The following POLR2F variants were observed in gnomAD, a reference collection of about 807,000 sequenced individuals.
The protein encoded by POLR2F is RNA polymerase II, I and III subunit F.
In POLR2F, 12 loss-of-function variants were observed where a neutral mutation model predicts 22.7. The observed-to-expected ratio is 0.53, with a 90% CI of 0.34 to 0.86. The LOEUF (loss-of-function observed/expected upper bound fraction) is 0.86, where lower values mean the gene tolerates loss of function less well. POLR2F is among the 40% of genes least tolerant of loss of function. POLR2F has a pLI of 0.02. For missense variants in POLR2F, 126 were observed against 171.5 expected, an observed-to-expected ratio of 0.73 and a Z score of 1.48; for synonymous variants, 57 against 66.0, an observed-to-expected ratio of 0.86 and a Z score of 0.66.
At chr22:37,958,795 T>C (rs569921384) in intron 2 of POLR2F, among the ~76,000 whole-genome samples, 1 of 152,318 alleles carries the variant, frequency 6.6e-6, no homozygotes, top group Non-Finnish European at 1.5e-5. Flanking sequence ...CTTTAGACCA[T>C]TAATTGAGAG....
In POLR2F at chr22:37,978,837, T is replaced by C. The variant is rs1315692882; in HGVS notation, c.293+11667T>C. ...TGTCACCCATGCTAGAGCTCAGTGGTATGATCTCAGCTCACTGCAACCTCT... is the reference window on the plus strand; with the variant it reads ...TGTCACCCATGCTAGAGCTCAGTGGCATGATCTCAGCTCACTGCAACCTCT... On this transcript the variant is annotated intron_variant, in intron 4 of 4. Transcript: ENST00000405557. The surrounding 1 kb of genome is among the most constrained non-coding windows in gnomAD (Gnocchi z 5.0). 6.6e-6 allele frequency among the ~76,000 whole-genome samples: 1 copy of C among 152,092 alleles called. No individual in the cohort carries two copies. The highest frequency in any genetic ancestry group is 1.5e-5 in the Non-Finnish European group (1 of 68,008).
At chr22:37,961,408 T>C (rs967517189) in intron 3 of POLR2F, among the ~76,000 whole-genome samples, 2 of 151,732 alleles carry the variant, frequency 1.3e-5, no homozygotes, top group African/African-American at 4.8e-5. Flanking sequence ...TCCAGCAGAG[T>C]GGGGGGCCCT....
chr22:37,966,593 C>A (rs759129359), intron 3 of POLR2F, among the ~76,000 whole-genome samples: 2 of 151,862 alleles, frequency 1.3e-5, no homozygotes, highest in Non-Finnish European at 2.9e-5. Context: ...GGCAACATGG[C>A]GAAATGTTAA....
downstream of POLR2F, among the ~76,000 whole-genome samples, chr22:38,030,206 G>A (rs550742204): frequency 2.0e-5 from 3 of 152,196 alleles, no homozygotes; most frequent in East Asian, 1.9e-4. Flanking sequence ...GAGCAAGAAC[G>A]ACTCCCCGAA....
At chr22:38,036,793 CCCA>C (rs1569186645) in intron 5 of POLR2F, among the ~76,000 whole-genome samples, 1 of 151,944 alleles carries the variant, frequency 6.6e-6, no homozygotes, top group Non-Finnish European at 1.5e-5. Context: ...GCCCTCCAAC[CCCA>C]CGTGTCTGAC....
intron 1 of POLR2F, among the ~76,000 whole-genome samples, chr22:38,001,122 C>T (rs1255457436): frequency 6.6e-6 from 1 of 152,172 alleles, no homozygotes; most frequent in Non-Finnish European, 1.5e-5. Flanking sequence ...GTCAACACTC[C>T]TGAGAGCCCT....
intron 1 of POLR2F, among the ~76,000 whole-genome samples, chr22:38,024,960 T>C (rs544132534): frequency 8.5e-5 from 13 of 152,102 alleles, no homozygotes; most frequent in African/African-American, 3.1e-4. Flanking sequence ...GGCTCAACCA[T>C]TGGTGCCACC....
chr22:37,993,396 C>G (rs890308762), intron 1 of POLR2F, among the ~76,000 whole-genome samples: 1 of 152,234 alleles, frequency 6.6e-6, no homozygotes, highest in Non-Finnish European at 1.5e-5. Context: ...CATCTTACTG[C>G]TCTCACCCGG....
intron 1 of POLR2F, among the ~76,000 whole-genome samples, chr22:38,001,838 GT>G (rs1489067801): frequency 6.7e-6 from 1 of 148,386 alleles, no homozygotes; most frequent in Non-Finnish European, 1.5e-5. Context: ...TGGCCAAGTG[GT>G]TTTTTTTGGA....
Position 37,974,347 on chromosome 22 carries a change from GTTTTTTTTTGTTT to G in POLR2F, c.293+7188_293+7200del, listed in dbSNP as rs947987149. ...TTCACATTTTGGCAGCATGAGTCGGGTTTTTTTTTGTTTTTTTTTTTTGAGATGGAGTTTCGCT... is the reference window on the plus strand; with the variant it reads ...TTCACATTTTGGCAGCATGAGTCGGGTTTTTTTTTGAGATGGAGTTTCGCT... On this transcript the variant is annotated intron_variant, in intron 4 of 4. Coordinates refer to the POLR2F transcript ENST00000405557. This position sits in a 1 kb window ranked among gnomAD's most constrained non-coding sequence, Gnocchi z 5.4. 10 of 584,286 alleles carry G rather than the reference GTTTTTTTTTGTTT, an allele frequency of 1.7e-5. No homozygotes were observed. In the Admixed American group the frequency reaches 2.1e-4, roughly 13 times the overall value. The allele number at this position is 584,286 out of a possible 1,614,324, so 36.2% of individuals were successfully genotyped here.
At chr22:37,959,594 G>A (rs1025427838) in intron 3 of POLR2F, 118 bp downstream of exon 3, 4 of 1,196,922 alleles carry the variant, frequency 3.3e-6, no homozygotes, top group Non-Finnish European at 2.4e-6. Flanking sequence ...CATTCCAAAA[G>A]TGGTGCCGTC....
At chr22:37,961,842 G>A (rs1931654868) in intron 3 of POLR2F, among the ~76,000 whole-genome samples, 1 of 121,518 alleles carries the variant, frequency 8.2e-6, no homozygotes, top group Non-Finnish European at 1.8e-5. Flanking sequence ...GAGAACAGGA[G>A]CCCCTACCCC....
chr22:37,959,803 GTTT>G (rs758630099), intron 3 of POLR2F, among the ~76,000 whole-genome samples: 1 of 137,000 alleles, frequency 7.3e-6, no homozygotes. Flanking sequence ...TACCAGTGTA[GTTT>G]TTTTTTTTTT....
chr22:37,959,637 C>T (rs1246422040), intron 3 of POLR2F, among the ~76,000 whole-genome samples, 161 bp downstream of exon 3: 2 of 151,890 alleles, frequency 1.3e-5, no homozygotes, highest in Non-Finnish European at 2.9e-5. Context: ...AGTCCCCTGC[C>T]CTCAGGGAGC....
chr22:37,958,622 G>A (rs1277117982), intron 2 of POLR2F, among the ~76,000 whole-genome samples: 1 of 152,024 alleles, frequency 6.6e-6, no homozygotes, highest in Non-Finnish European at 1.5e-5. Context: ...TTTGCATGTT[G>A]CCTCCTTCCT....
intron 1 of POLR2F, among the ~76,000 whole-genome samples, chr22:38,001,033 G>A (rs2084764226): frequency 6.6e-6 from 1 of 152,154 alleles, no homozygotes; most frequent in Non-Finnish European, 1.5e-5. Context: ...GTAGGAAAAG[G>A]AGCAAGTAAG....
At chr22:37,984,847 C>T (rs1480942403), upstream of POLR2F, among the ~76,000 whole-genome samples, 3 of 152,088 alleles carry the variant, frequency 2.0e-5, no homozygotes, top group Non-Finnish European at 1.5e-5. This position sits in a 1 kb window ranked among gnomAD's most constrained non-coding sequence, Gnocchi z 4.4. Context: ...GAAAATTGGG[C>T]CCAACCAGGA....
intron 1 of POLR2F, among the ~76,000 whole-genome samples, chr22:38,018,400 C>G (rs749278959): frequency 6.6e-6 from 1 of 152,154 alleles, no homozygotes; most frequent in Non-Finnish European, 1.5e-5. Flanking sequence ...TTTTTGGTTT[C>G]AGGATCAGGG....
intron 4 of POLR2F, among the ~76,000 whole-genome samples, chr22:37,979,668 A>C (rs1168939835): frequency 1.3e-5 from 2 of 152,084 alleles, no homozygotes; most frequent in Non-Finnish European, 2.9e-5. Flanking sequence ...GGAGAGAAGA[A>C]GCCCTGAAGC....
Sources: gnomAD v4.1 joint callset for allele counts (sites outside exome capture counted in the v4.1 genomes callset) on GRCh38, gnomAD v4.1.1 for gene constraint, Gnocchi (gnomAD v3.1) non-coding constraint, MANE v1.5 for transcripts, NCBI Gene and HGNC (gene_info 2026-07-23, HGNC 2026-07-21) for gene names.